SPAG17: variants seen among roughly 807,000 people sequenced by gnomAD.
The protein encoded by SPAG17 is sperm-associated antigen 17.
SPAG17 carries 169 observed loss-of-function variants against 273.6 expected under a neutral mutation model. The ratio of observed to expected loss-of-function variants is 0.62; its 90% CI spans 0.55 to 0.70. The LOEUF is 0.70. SPAG17 is among the 30% of genes least tolerant of loss of function. The pLI is 0.00. For missense variants in SPAG17, 2,557 were observed against 2,627.8 expected (o/e 0.97, Z 0.59); for synonymous variants, 825 against 873.2 (o/e 0.94, Z 0.97).
intron 1 of SPAG17, among the ~76,000 whole-genome samples, chr1:118,156,193 T>C (rs1243321448): frequency 3.9e-5 from 6 of 152,244 alleles, no homozygotes; most frequent in Non-Finnish European, 7.3e-5. Flanking sequence ...ATTTAGGAAT[T>C]GGACCACATA....
chr1:117,954,927 A>C (rs1651951058), intron 48 of SPAG17, among the ~76,000 whole-genome samples: 1 of 152,128 alleles, frequency 6.6e-6, no homozygotes, highest in African/African-American at 2.4e-5. Flanking sequence ...TTAACTTTTG[A>C]ATCAGCCTTC....
chr1:118,061,282 G>T (rs1256547286), intron 18 of SPAG17, among the ~76,000 whole-genome samples: 3 of 152,064 alleles, frequency 2.0e-5, no homozygotes, highest in African/African-American at 7.2e-5. Context: ...TTCCACAGTA[G>T]CCAAGATAAA....
intron 36 of SPAG17, among the ~76,000 whole-genome samples, chr1:117,991,994 C>G (rs907520300): frequency 1.3e-5 from 2 of 152,282 alleles, no homozygotes; most frequent in African/African-American, 4.8e-5. Context: ...GTGCCAGGTG[C>G]TAGGTATATA....
chr1:117,995,466 A>T (rs1657549130), intron 34 of SPAG17, among the ~76,000 whole-genome samples: 1 of 152,052 alleles, frequency 6.6e-6, no homozygotes, highest in African/African-American at 2.4e-5. Flanking sequence ...TAGTTAAATG[A>T]CTAACAAACC....
In SPAG17 at chr1:118,150,142, A is replaced by G. The variant is rs575830790; in HGVS notation, c.315+401T>C. Among the ~76,000 whole-genome samples the G allele has an allele frequency of 3.2e-4, 48 of 152,260 alleles. No individual in the cohort carries two copies. In the South Asian group the frequency reaches 9.1e-3, roughly 29 times the overall value. On this transcript the variant is annotated intron_variant, in intron 3 of 48. Transcript: ENST00000336338. ...TTATACAAGAAACACTTTCTGGCGCATTTTTACATTGTTTTTTTCGAGAAA... is the reference window on the plus strand; with the variant it reads ...TTATACAAGAAACACTTTCTGGCGCGTTTTTACATTGTTTTTTTCGAGAAA...
At chr1:117,984,906 A>C in intron 40 of SPAG17, 124 bp from the exon 41 acceptor site, 1 of 627,202 alleles carries the variant, frequency 1.6e-6, no homozygotes, top group Admixed American at 3.4e-5. Context: ...ACTGACAAGA[A>C]TTAATTTATT....
In SPAG17 at chr1:118,041,917, A is replaced by T; in HGVS notation, c.2940T>A (p.Ser980Arg). ...KGKDNAEKED[S>R]RSLKKKSPYK... is the part of the protein sequence containing the mutation. ...AAGGTGATTTTTTCTTCAAAGACCT[A>T]CTATCCTCTTTCTCTGCGTTATCCT... The change falls in exon 21 of 49, where the codon AGT becomes AGA. Residue 980 changes from serine to arginine, a missense_variant. Transcript: ENST00000336338. The T allele has an allele frequency of 6.2e-7, 1 of 1,613,908 alleles. No homozygotes were observed. Among genetic ancestry groups the T allele is most frequent in the South Asian group, 1.1e-5 (1 of 91,074 alleles).
At chr1:117,982,534 C>T (rs572351452) in intron 42 of SPAG17, among the ~76,000 whole-genome samples, 34 of 152,282 alleles carry the variant, frequency 2.2e-4, no homozygotes, top group Middle Eastern at 3.4e-3. Flanking sequence ...AGCCACCGTG[C>T]CCGGCCCCCT....
chr1:118,094,865 C>A (rs1655610051), intron 7 of SPAG17, among the ~76,000 whole-genome samples: 1 of 152,056 alleles, frequency 6.6e-6, no homozygotes, highest in Non-Finnish European at 1.5e-5. Flanking sequence ...GGACCCAGAC[C>A]ACAGCCCTGG....
At chr1:118,123,404 G>A (rs1657529838) in intron 3 of SPAG17, among the ~76,000 whole-genome samples, 1 of 152,102 alleles carries the variant, frequency 6.6e-6, no homozygotes, top group African/African-American at 2.4e-5. Flanking sequence ...AAAAGAACAG[G>A]AATGACTGAA....
chr1:118,136,251 G>T (rs992750496), intron 3 of SPAG17, among the ~76,000 whole-genome samples: 4 of 152,140 alleles, frequency 2.6e-5, no homozygotes, highest in African/African-American at 4.8e-5. Context: ...AAGACTGATG[G>T]ACCATCTGAA....
At chr1:118,019,410 G>A (rs931790339) in intron 28 of SPAG17, among the ~76,000 whole-genome samples, 3 of 151,814 alleles carry the variant, frequency 2.0e-5, no homozygotes, top group Non-Finnish European at 4.4e-5. Context: ...AAAGAGAACT[G>A]AAAGACCTAA....
At chr1:118,105,079 G>C (rs1262465658) in intron 4 of SPAG17, among the ~76,000 whole-genome samples, 1 of 152,156 alleles carries the variant, frequency 6.6e-6, no homozygotes, top group African/African-American at 2.4e-5. Context: ...TTGATAGAAG[G>C]AGAGGGAATT....
chr1:118,046,406 C>A lies in SPAG17; in HGVS notation c.2815-4364G>T, dbSNP rs554540430. On this transcript the variant is annotated intron_variant, in intron 20 of 48. Transcript: ENST00000336338. ...TACAATGATAATGTTTAATTTGTAG[C>A]AACACAAAAAAATCAAGATAAAACT... Among the ~76,000 whole-genome samples, 5 of 151,892 alleles carry A rather than the reference C, an allele frequency of 3.3e-5. No individual in the cohort carries two copies. The South Asian group carries it at 1.0e-3, about 32-fold the overall frequency.
chr1:118,012,962 T>C (rs1659626689), intron 29 of SPAG17, among the ~76,000 whole-genome samples: 1 of 152,176 alleles, frequency 6.6e-6, no homozygotes, highest in Admixed American at 6.5e-5. Context: ...AGAAGCGGTG[T>C]GCGTGGGTTG....
chr1:118,090,977 T>C (rs1045560624), intron 10 of SPAG17, among the ~76,000 whole-genome samples: 3 of 152,074 alleles, frequency 2.0e-5, no homozygotes, highest in African/African-American at 7.2e-5. Context: ...TGTTGATCAA[T>C]GAAACCAAAT....
In SPAG17 at chr1:118,148,379, C is replaced by G. The variant is rs182933075; in HGVS notation, c.315+2164G>C. 9.3e-4 allele frequency among the ~76,000 whole-genome samples: 142 copies of G among 152,280 alleles called. 1 individual carries two copies. Among genetic ancestry groups the G allele is most frequent in the African/African-American group, 3.2e-3 (133 of 41,568 alleles). ...AGCGAAAAAACAAATCCTCCACACT[C>G]GGCAAGGGTACACGAACCTGCTGCA... On this transcript the variant is annotated intron_variant, in intron 3 of 48. Transcript: ENST00000336338.
chr1:118,128,282 GT>G (rs1294865875), intron 3 of SPAG17, among the ~76,000 whole-genome samples: 1 of 152,100 alleles, frequency 6.6e-6, no homozygotes, highest in African/African-American at 2.4e-5. Flanking sequence ...AAATTTATTA[GT>G]TCTAAAAGTT....
chr1:118,017,375 A>C (rs991307163), intron 28 of SPAG17, among the ~76,000 whole-genome samples: 1 of 152,116 alleles, frequency 6.6e-6, no homozygotes, highest in African/African-American at 2.4e-5. Flanking sequence ...TAAGAAATAC[A>C]ATGGGGTAAA....
Sources: gnomAD v4.1 joint callset for allele counts (sites outside exome capture counted in the v4.1 genomes callset) on GRCh38, gnomAD v4.1.1 for gene constraint, MANE v1.5 for transcripts, NCBI Gene and HGNC (gene_info 2026-07-23, HGNC 2026-07-21) for gene names.